Variants in DLGAP2 observed in about 807,000 individuals in gnomAD.
The protein encoded by DLGAP2 is disks large-associated protein 2.
In DLGAP2, 26 loss-of-function variants were observed where a neutral mutation model predicts 100.3. The ratio of observed to expected loss-of-function variants is 0.26; its 90% CI spans 0.19 to 0.36. The LOEUF is 0.36. Ranked by LOEUF, DLGAP2 falls within the 10% of genes least tolerant of loss-of-function variation. DLGAP2 has a pLI of 1.00. For missense variants in DLGAP2, 1,858 were observed against 1,453.2 expected (o/e 1.28, Z -4.53); for synonymous variants, 886 against 630.1 (o/e 1.41, Z -6.08).
intron 2 of DLGAP2, among the ~76,000 whole-genome samples, chr8:1,181,389 C>G (rs1456259079): frequency 6.6e-6 from 1 of 152,156 alleles, no homozygotes; most frequent in Non-Finnish European, 1.5e-5. Flanking sequence ...TGTTAGATTG[C>G]TAAGGATAAT....
At chr8:989,103 A>C (rs1383376684) in intron 2 of DLGAP2, among the ~76,000 whole-genome samples, 1 of 152,226 alleles carries the variant, frequency 6.6e-6, no homozygotes, top group East Asian at 1.9e-4. Flanking sequence ...CTCCATTGTG[A>C]CGACCGCAGT....
chr8:1,603,139 T>C (rs1031228846), intron 6 of DLGAP2, among the ~76,000 whole-genome samples: 7 of 151,054 alleles, frequency 4.6e-5, no homozygotes, highest in African/African-American at 1.2e-4. Flanking sequence ...CACAGGCTGG[T>C]TAGAGTGGAG....
intron 2 of DLGAP2, among the ~76,000 whole-genome samples, chr8:1,065,835 G>T (rs548959352): frequency 6.6e-6 from 1 of 152,144 alleles, no homozygotes; most frequent in African/African-American, 2.4e-5. Flanking sequence ...GGGATGGCCT[G>T]GGTCCCAGGA....
intron 2 of DLGAP2, among the ~76,000 whole-genome samples, chr8:950,041 C>G (rs1378927543): frequency 6.6e-6 from 1 of 152,188 alleles, no homozygotes; most frequent in Non-Finnish European, 1.5e-5. Flanking sequence ...CTTGCTTCTC[C>G]AGGGGACCCA....
At chr8:971,094 T>C (rs1220454746) in intron 2 of DLGAP2, among the ~76,000 whole-genome samples, 3 of 152,208 alleles carry the variant, frequency 2.0e-5, no homozygotes, top group Non-Finnish European at 4.4e-5. Context: ...TCAGGACTTA[T>C]TTAGATAATT....
chr8:1,326,756 A>C (rs373860078), intron 3 of DLGAP2, among the ~76,000 whole-genome samples: 1 of 152,190 alleles, frequency 6.6e-6, no homozygotes, highest in South Asian at 2.1e-4. Context: ...TGTTTTTCCA[A>C]CTGGAGAGAC....
chr8:1,465,354 G>A (rs1798595593), intron 3 of DLGAP2, among the ~76,000 whole-genome samples: 1 of 151,664 alleles, frequency 6.6e-6, no homozygotes, highest in Non-Finnish European at 1.5e-5. Flanking sequence ...TGAGCAGAGG[G>A]AAGGGGACAG....
intron 3 of DLGAP2, among the ~76,000 whole-genome samples, chr8:1,414,600 G>T (rs1447267439): frequency 6.6e-6 from 1 of 152,198 alleles, no homozygotes; most frequent in East Asian, 1.9e-4. Flanking sequence ...GGCTGGGAGG[G>T]ACTGAGCGGA....
intron 1 of DLGAP2, among the ~76,000 whole-genome samples, chr8:812,088 C>T (rs1213471525): frequency 6.6e-6 from 1 of 152,184 alleles, no homozygotes; most frequent in Non-Finnish European, 1.5e-5. Context: ...GTGTGCTCCT[C>T]CATCTCTGCA....
At chr8:1,469,571 CAGA>C (rs1798721871) in intron 3 of DLGAP2, among the ~76,000 whole-genome samples, 1 of 152,156 alleles carries the variant, frequency 6.6e-6, no homozygotes, top group African/African-American at 2.4e-5. Flanking sequence ...TGAGCTTCCT[CAGA>C]AGAACCTCCC....
intron 2 of DLGAP2, among the ~76,000 whole-genome samples, chr8:1,188,019 C>T (rs1268401791): frequency 7.9e-6 from 1 of 126,642 alleles, no homozygotes; most frequent in Non-Finnish European, 1.5e-5. Context: ...TCTCACACGC[C>T]CGGGACTTCC....
chr8:892,106 A>G (rs188023498), intron 1 of DLGAP2, among the ~76,000 whole-genome samples: 99 of 152,298 alleles, frequency 6.5e-4, no homozygotes, highest in African/African-American at 2.2e-3. Flanking sequence ...GCTGCTGGGA[A>G]TGGAAGATGG....
intron 2 of DLGAP2, among the ~76,000 whole-genome samples, chr8:1,211,205 A>G (rs1482461419): frequency 6.6e-6 from 1 of 152,186 alleles, no homozygotes; most frequent in Non-Finnish European, 1.5e-5. Context: ...CGACCTGCGG[A>G]TCCTCCCCAT....
At chr8:1,241,893 C>T (rs1162165398) in intron 2 of DLGAP2, among the ~76,000 whole-genome samples, 9 of 152,092 alleles carry the variant, frequency 5.9e-5, no homozygotes, top group Non-Finnish European at 8.8e-5. Context: ...GTTAAAATGA[C>T]TTTTCTAATA....
Position 1,046,542 on chromosome 8 carries a change from A to G in DLGAP2, c.73+138576A>G, listed in dbSNP as rs75302293. Among the ~76,000 whole-genome samples, 405 of 152,290 alleles carry G rather than the reference A, an allele frequency of 2.7e-3. 2 individuals carry two copies. The highest frequency in any genetic ancestry group is 9.3e-3 in the African/African-American group (388 of 41,568). ...AAAGGGGACCTAAGTAAGAATCCAC[A>G]TTGCATGTGGGCGTGTTTGAGGCTT... On this transcript the variant is annotated intron_variant, in intron 2 of 14. Coordinates refer to ENST00000637795, the MANE Select transcript of DLGAP2 (RefSeq NM_001346810.2).
At chr8:1,420,094 C>G (rs971792111) in intron 3 of DLGAP2, among the ~76,000 whole-genome samples, 2 of 152,100 alleles carry the variant, frequency 1.3e-5, no homozygotes, top group African/African-American at 2.4e-5. Context: ...ACCTTCAGTC[C>G]CTTTTCCCTT....
rs141289209 is a variant in DLGAP2, at chr8:888,344, G to A, written c.19-19568G>A. On this transcript the variant is annotated intron_variant, in intron 1 of 14. Transcript: ENST00000637795. ...TTAGAACATGCTCCTTTAGCTCATC[G>A]TAGTTTTTTGTTACCCATCTTCTGA... is the stretch of plus-strand genomic sequence containing the variant. Among the ~76,000 whole-genome samples, 618 of 152,250 alleles carry A rather than the reference G, an allele frequency of 4.1e-3. 4 individuals are homozygous for A. Among genetic ancestry groups the A allele is most frequent in the African/African-American group, 0.014 (562 of 41,532 alleles).
chr8:1,463,064 A>G (rs6999112), intron 3 of DLGAP2, among the ~76,000 whole-genome samples: 74,868 of 151,850 alleles, frequency 0.49, 18,956 homozygotes, highest in East Asian at 0.84. Context: ...GCTGGGCCAA[A>G]ATGGTGAGCC....
At chr8:1,649,653 A>G (rs1228394313) in intron 8 of DLGAP2, among the ~76,000 whole-genome samples, 2 of 152,212 alleles carry the variant, frequency 1.3e-5, no homozygotes, top group African/African-American at 2.4e-5. Context: ...AAATAGTTAT[A>G]TAGGAAGGAA....
Sources: gnomAD v4.1 joint callset for allele counts (sites outside exome capture counted in the v4.1 genomes callset) on GRCh38, gnomAD v4.1.1 for gene constraint, MANE v1.5 for transcripts, NCBI Gene and HGNC (gene_info 2026-07-23, HGNC 2026-07-21) for gene names.